The following KCNQ5 variants were observed in gnomAD, a reference collection of about 807,000 sequenced individuals.
KCNQ5 encodes potassium voltage-gated channel subfamily Q member 5, also known as potassium voltage-gated channel subfamily KQT member 5.
Under a neutral mutation model 98.2 loss-of-function variants are expected in KCNQ5, and 30 were observed. The ratio of observed to expected loss-of-function variants is 0.31; its 90% CI spans 0.23 to 0.41. KCNQ5 has a LOEUF of 0.41. Among genes scored for constraint, KCNQ5 ranks in the 10% least tolerant of loss-of-function variants. The pLI is 1.00. For synonymous variants in KCNQ5, 458 were observed against 449.4 expected (o/e 1.02, Z -0.24); for missense variants, 835 against 1,182.5 (o/e 0.71, Z 4.31).
chr6:73,177,844 G>C (rs1256772363), intron 11 of KCNQ5, among the ~76,000 whole-genome samples: 1 of 152,146 alleles, frequency 6.6e-6, no homozygotes, highest in Non-Finnish European at 1.5e-5. Flanking sequence ...ATACTCCCTG[G>C]AATGTTGTTT....
chr6:72,734,172 G>A (rs1770701816), intron 1 of KCNQ5, among the ~76,000 whole-genome samples: 1 of 152,216 alleles, frequency 6.6e-6, no homozygotes, highest in Non-Finnish European at 1.5e-5. Context: ...CTGTAACTTT[G>A]ATTGCAGAGG....
intron 1 of KCNQ5, among the ~76,000 whole-genome samples, chr6:72,733,392 T>G (rs1770655451): frequency 6.6e-6 from 1 of 152,176 alleles, no homozygotes. Flanking sequence ...AAAAAGATCA[T>G]TGAGGAACAA....
At chr6:73,193,226 G>A (rs1765661949) in intron 13 of KCNQ5, among the ~76,000 whole-genome samples, 1 of 151,260 alleles carries the variant, frequency 6.6e-6, no homozygotes. Context: ...CACCATGTTG[G>A]CCAGGCTTGT....
chr6:72,794,029 T>C (rs2154478344), intron 1 of KCNQ5, among the ~76,000 whole-genome samples: 1 of 152,352 alleles, frequency 6.6e-6, no homozygotes. Flanking sequence ...AGTGACAGTC[T>C]CAGAGCCTGA....
intron 1 of KCNQ5, among the ~76,000 whole-genome samples, chr6:72,937,390 C>G (rs952183007): frequency 1.8e-4 from 27 of 152,304 alleles, no homozygotes; most frequent in African/African-American, 6.5e-4. Context: ...CAAAGCTTCA[C>G]AGGCATGCAC....
At chr6:73,093,468 G>C (rs1197678303) in intron 5 of KCNQ5, among the ~76,000 whole-genome samples, 1 of 151,958 alleles carries the variant, frequency 6.6e-6, no homozygotes, top group East Asian at 1.9e-4. Flanking sequence ...GTTTGTTCTT[G>C]CTTCTCTAGT....
chr6:73,044,451 C>G (rs1396473471), intron 3 of KCNQ5, among the ~76,000 whole-genome samples: 1 of 152,124 alleles, frequency 6.6e-6, no homozygotes, highest in Admixed American at 6.5e-5. Flanking sequence ...TTTGTACTTA[C>G]AGTTAGGATA....
chr6:73,144,415 A>G (rs1333073463), intron 10 of KCNQ5, among the ~76,000 whole-genome samples: 1 of 152,210 alleles, frequency 6.6e-6, no homozygotes, highest in Non-Finnish European at 1.5e-5. Context: ...CTACCAAGAG[A>G]ATCATTTGCA....
intron 1 of KCNQ5, among the ~76,000 whole-genome samples, chr6:72,824,323 T>A (rs1376157310): frequency 1.3e-5 from 2 of 152,166 alleles, no homozygotes; most frequent in South Asian, 2.1e-4. Context: ...AAGAAAAAAA[T>A]TATTTTAAAA....
chr6:72,931,869 G>A (rs146819197), intron 1 of KCNQ5, among the ~76,000 whole-genome samples: 57 of 152,250 alleles, frequency 3.7e-4, no homozygotes, highest in Non-Finnish European at 7.4e-4. Context: ...GTCCCCAAAG[G>A]CTAGAGTTGA....
intron 10 of KCNQ5, among the ~76,000 whole-genome samples, chr6:73,152,822 C>T (rs1293086807): frequency 1.3e-5 from 2 of 152,106 alleles, no homozygotes; most frequent in African/African-American, 4.8e-5. Context: ...GATCAGATTC[C>T]CCAGAGAGTA....
chr6:72,838,998 G>T (rs1459880892), intron 1 of KCNQ5, among the ~76,000 whole-genome samples: 1 of 147,576 alleles, frequency 6.8e-6, no homozygotes, highest in Non-Finnish European at 1.5e-5. Flanking sequence ...TGTGAAATTT[G>T]CATATTTTTG....
chr6:72,945,316 A>G (rs994469254), intron 1 of KCNQ5, among the ~76,000 whole-genome samples: 1 of 151,912 alleles, frequency 6.6e-6, no homozygotes, highest in Non-Finnish European at 1.5e-5. Flanking sequence ...CGTTAGTTAC[A>G]TATGTATACA....
intron 1 of KCNQ5, among the ~76,000 whole-genome samples, chr6:72,935,257 G>C (rs1765863925): frequency 1.3e-5 from 2 of 151,736 alleles, no homozygotes; most frequent in South Asian, 4.2e-4. Context: ...TTTTAGTAGA[G>C]ATGGGGTTTC....
intron 3 of KCNQ5, 114 bp downstream of exon 3, chr6:73,042,176 A>G (rs1435125360): frequency 4.1e-6 from 5 of 1,223,002 alleles, no homozygotes; most frequent in East Asian, 2.3e-5. Context: ...AGTACTTATC[A>G]TGGACCGGGC....
chr6:73,007,271 T>C (rs952854070), intron 2 of KCNQ5, among the ~76,000 whole-genome samples: 4 of 152,316 alleles, frequency 2.6e-5, no homozygotes, highest in East Asian at 1.9e-4. Context: ...TTTCTCTCCA[T>C]AGAAGCAGTG....
chr6:72,730,557 C>G (rs906389435), intron 1 of KCNQ5, among the ~76,000 whole-genome samples: 5 of 152,110 alleles, frequency 3.3e-5, no homozygotes, highest in Non-Finnish European at 5.9e-5. Flanking sequence ...GTCTTAGCAC[C>G]ATTTATTGTA....
Position 72,654,235 on chromosome 6 carries a change from G to T in KCNQ5, c.398+31648G>T, listed in dbSNP as rs1290336773. Among the ~76,000 whole-genome samples, 12 of 151,998 alleles carry T rather than the reference G, an allele frequency of 7.9e-5. 1 individual carries two copies. In the South Asian group the frequency reaches 2.5e-3, roughly 32 times the overall value. ...GGGAGGGAACTGGAAGAGTGTTGGG[G>T]GTTTGGGAATGAAGAGGTGATACTA... On this transcript the variant is annotated intron_variant, in intron 1 of 13. Transcript: ENST00000370398.
In KCNQ5 at chr6:73,025,685, A is replaced by G. The variant is rs565879686; in HGVS notation, c.490-16251A>G. Among the ~76,000 whole-genome samples the G allele has an allele frequency of 5.3e-5, 8 of 150,982 alleles. No homozygotes were observed. The South Asian group carries it at 1.5e-3, about 28-fold the overall frequency. ...TTCAAGTGTTCCGAATTCCCATTTA[A>G]ATGTATTTTGGAAAGTATATAAAAA... is the stretch of plus-strand genomic sequence containing the variant. On this transcript the variant is annotated intron_variant, in intron 2 of 13. Transcript: ENST00000370398.
Sources: allele counts gnomAD v4.1 joint callset (sites outside exome capture counted in the v4.1 genomes callset), GRCh38; gene constraint gnomAD v4.1.1; transcripts MANE v1.5; gene names NCBI Gene and HGNC (gene_info 2026-07-23, HGNC 2026-07-21).